Variants in IKZF2 observed in about 807,000 individuals in gnomAD.
IKZF2 encodes IKAROS family zinc finger 2.
Under a neutral mutation model 49.2 loss-of-function variants are expected in IKZF2, and 15 were observed. The observed-to-expected ratio is 0.30, with a 90% confidence interval of 0.20 to 0.47. The LOEUF is 0.47. Among genes scored for constraint, IKZF2 ranks in the 20% least tolerant of loss-of-function variants. The probability of loss-of-function intolerance (pLI) is 1.00; values close to 1 mark genes in which losing one functional copy is unlikely to be tolerated. For missense variants in IKZF2, 567 were observed against 664.6 expected (o/e 0.85, Z 1.61); for synonymous variants, 227 against 221.4 (o/e 1.03, Z -0.23).
chr2:213,005,498 A>G lies in IKZF2; in HGVS notation c.*1862T>C, dbSNP rs1249960724. 6.6e-6 allele frequency: 1 copy of G among 152,032 alleles called. No homozygotes were observed. The highest frequency in any genetic ancestry group is 1.9e-4 in the East Asian group (1 of 5,170). The allele number at this position is 152,032 out of a possible 1,614,324, so 9.4% of individuals were successfully genotyped here. Reference sequence around the variant, plus strand: ...AAATAGTAAGCTGGAAAATGAGTTAAGAGCAGTATTGGGGCCAAACTTGCT... The same window carrying G: ...AAATAGTAAGCTGGAAAATGAGTTAGGAGCAGTATTGGGGCCAAACTTGCT... On this transcript the variant is annotated 3_prime_UTR_variant, in exon 9 of 9. Coordinates refer to ENST00000434687, the MANE Select transcript of IKZF2 (RefSeq NM_001387220.1).
chr2:213,032,785 G>A (rs1698600498), intron 6 of IKZF2, among the ~76,000 whole-genome samples: 1 of 152,192 alleles, frequency 6.6e-6, no homozygotes, highest in Non-Finnish European at 1.5e-5. Flanking sequence ...TCCACTGGTG[G>A]AGGAGGGTGT....
At chr2:213,015,787 AT>A (rs1418244289) in intron 7 of IKZF2, among the ~76,000 whole-genome samples, 4 of 152,094 alleles carry the variant, frequency 2.6e-5, no homozygotes, top group Admixed American at 6.6e-5. Context: ...GAAAAAAAAA[AT>A]GTTGTTGTAA....
upstream of IKZF2, chr2:213,152,178 C>G (rs1264490348): frequency 5.3e-5 from 8 of 152,208 alleles, no homozygotes; most frequent in Non-Finnish European, 1.2e-4. Flanking sequence ...ATTTCGGCCG[C>G]GTGAAGTTTT....
chr2:213,121,977 A>T (rs1324881682), intron 4 of IKZF2, among the ~76,000 whole-genome samples: 1 of 152,200 alleles, frequency 6.6e-6, no homozygotes, highest in East Asian at 1.9e-4. Flanking sequence ...TAGAGAGTGT[A>T]ATAAAATACA....
intron 4 of IKZF2, among the ~76,000 whole-genome samples, chr2:213,075,621 ACAG>A (rs1411922972): frequency 6.6e-6 from 1 of 152,156 alleles, no homozygotes; most frequent in Non-Finnish European, 1.5e-5. Flanking sequence ...CTGAGGTCAC[ACAG>A]AAGTTTTCTT....
intron 8 of IKZF2, 83 bp from the exon 9 acceptor site, chr2:213,008,167 T>C (rs1695557685): frequency 7.0e-7 from 1 of 1,418,800 alleles, no homozygotes; most frequent in Non-Finnish European, 9.3e-7. Context: ...TATGAAAGGG[T>C]ACGAAGTTGA....
intron 4 of IKZF2, among the ~76,000 whole-genome samples, chr2:213,121,435 A>T (rs1574917064): frequency 6.6e-6 from 1 of 152,330 alleles, no homozygotes; most frequent in South Asian, 2.1e-4. Context: ...CTTGGGTGCT[A>T]CACTGATACC....
chr2:213,102,498 C>T (rs187043117), intron 4 of IKZF2, among the ~76,000 whole-genome samples: 2 of 152,036 alleles, frequency 1.3e-5, no homozygotes, highest in Non-Finnish European at 2.9e-5. Context: ...GTTGTTTTTA[C>T]ACCTGTTCTT....
Position 213,056,948 on chromosome 2 carries a change from C to T in IKZF2, c.291G>A (p.Gln97=). The T allele has an allele frequency of 1.9e-6, 3 of 1,613,792 alleles. No homozygotes were observed. The highest frequency in any genetic ancestry group is 2.5e-6 in the Non-Finnish European group (3 of 1,179,864). ...GGATTCCTCCCTCGCCTTGAAGCTC[C>T]TGGACTTTCCTGTTGTCAGCCACCT... ...SSEVADNRKV[Q]ELQGEGGIRL... The change falls in exon 5 of 9, where the codon CAG becomes CAA. Residue 97 remains glutamine (Q), a synonymous_variant. Coordinates refer to ENST00000434687, the MANE Select transcript of IKZF2 (RefSeq NM_001387220.1).
chr2:213,076,679 A>G lies in IKZF2; in HGVS notation c.140-19580T>C, dbSNP rs375631891. 2.5e-3 allele frequency among the ~76,000 whole-genome samples: 383 copies of G among 152,306 alleles called. 14 individuals carry two copies. The South Asian group carries it at 0.073, about 29-fold the overall frequency. The stretch of plus-strand genomic sequence containing the variant: ...TAATACCATGGAATATTTATCTTCA[A>G]TTGTTTAGGATAAATTATGATATTT... On this transcript the variant is annotated intron_variant, in intron 4 of 8. Transcript: ENST00000434687.
chr2:213,145,302 C>A (rs1272755341), intron 4 of IKZF2, among the ~76,000 whole-genome samples: 1 of 151,826 alleles, frequency 6.6e-6, no homozygotes, highest in African/African-American at 2.4e-5. Context: ...TTCACATTTA[C>A]TTTTAGCTTT....
intron 1 of IKZF2, among the ~76,000 whole-genome samples, chr2:213,150,741 G>C (rs1282869835): frequency 6.7e-6 from 1 of 148,990 alleles, no homozygotes; most frequent in Non-Finnish European, 1.5e-5. Flanking sequence ...CAGTCAGGCA[G>C]AACCCAGCTA....
At chr2:213,085,828 G>C (rs890509203) in intron 4 of IKZF2, among the ~76,000 whole-genome samples, 1 of 152,060 alleles carries the variant, frequency 6.6e-6, no homozygotes, top group African/African-American at 2.4e-5. Context: ...CTCCTTTCTC[G>C]ATTATCCTTA....
In IKZF2 at chr2:213,025,459, G is replaced by A. The variant is rs186353980; in HGVS notation, c.575-3329C>T. Among the ~76,000 whole-genome samples, 70 of 152,178 alleles carry A rather than the reference G, an allele frequency of 4.6e-4. No individual in the cohort carries two copies. In the South Asian group the frequency reaches 8.7e-3, roughly 19 times the overall value. The stretch of plus-strand genomic sequence containing the variant: ...CCTCTGCTCTCACAGAACTCTGTTC[G>A]TACTCTGTTGATGCATTACTTATAA... On this transcript the variant is annotated intron_variant, in intron 6 of 8. Transcript: ENST00000434687.
At chr2:213,009,510 T>A (rs1695712917) in intron 8 of IKZF2, among the ~76,000 whole-genome samples, 4 of 152,052 alleles carry the variant, frequency 2.6e-5, no homozygotes. Context: ...TACTCTCAGA[T>A]TGGAAGAAAT....
intron 5 of IKZF2, 134 bp downstream of exon 5, chr2:213,056,699 C>T: frequency 9.5e-7 from 1 of 1,056,530 alleles, no homozygotes; most frequent in Non-Finnish European, 1.4e-6. Flanking sequence ...TTCTGCAATC[C>T]AATACTAGCA....
chr2:213,066,864 A>G (rs146693072), intron 4 of IKZF2, among the ~76,000 whole-genome samples: 22 of 152,254 alleles, frequency 1.4e-4, no homozygotes, highest in African/African-American at 5.1e-4. Flanking sequence ...ATACCAGATT[A>G]TAACATCTAT....
At chr2:213,150,285 G>T in intron 1 of IKZF2, 38 bp from the exon 2 acceptor site, 16 of 804,514 alleles carry the variant, frequency 2.0e-5, no homozygotes, top group Non-Finnish European at 2.6e-5. Context: ...GAAGTTTTTT[G>T]TGTTTCCCCC....
chr2:213,103,745 G>A (rs868714052), intron 4 of IKZF2, among the ~76,000 whole-genome samples: 7 of 152,150 alleles, frequency 4.6e-5, no homozygotes, highest in Admixed American at 1.3e-4. Flanking sequence ...CTATTTTAAA[G>A]TCTATATAGA....
Sources: gnomAD v4.1 joint callset for allele counts (sites outside exome capture counted in the v4.1 genomes callset) on GRCh38, gnomAD v4.1.1 for gene constraint, MANE v1.5 for transcripts, NCBI Gene and HGNC (gene_info 2026-07-23, HGNC 2026-07-21) for gene names.